The following ZNF398 variants were observed in gnomAD, a reference collection of about 807,000 sequenced individuals.
The protein encoded by ZNF398 is zinc finger protein 398, also known as zinc finger DNA binding protein ZER6.
ZNF398 carries 18 observed loss-of-function variants against 41.9 expected under a neutral mutation model. The observed-to-expected ratio is 0.43, with a 90% CI of 0.30 to 0.64. The LOEUF is 0.64. ZNF398 is among the 30% of genes least tolerant of loss of function. The pLI is 0.14. For synonymous variants in ZNF398, 260 were observed against 308.8 expected (o/e 0.84, Z 1.66); for missense variants, 669 against 822.8 (o/e 0.81, Z 2.29).
intron 2 of ZNF398, among the ~76,000 whole-genome samples, chr7:149,131,938 T>A (rs1014866935): frequency 6.6e-6 from 1 of 152,196 alleles, no homozygotes; most frequent in Non-Finnish European, 1.5e-5. Context: ...CTACGCAGCA[T>A]ACCAATTTAC....
chr7:149,135,773 A>G (rs34212787), intron 2 of ZNF398, among the ~76,000 whole-genome samples: 11,506 of 152,146 alleles, frequency 0.076, 440 homozygotes, highest in Middle Eastern at 0.092. Flanking sequence ...CCTGGCCAAC[A>G]TGGTGAATCC....
chr7:149,179,647 G>A lies in ZNF398; in HGVS notation c.1775G>A (p.Gly592Glu). 1 of 1,614,222 alleles carries A rather than the reference G, an allele frequency of 6.2e-7. No homozygotes were observed. The highest frequency in any genetic ancestry group is 8.5e-7 in the Non-Finnish European group (1 of 1,180,038). ...GACCACCTCCGTTCAGGCCACAATGGAGGCTGTGGGGGTGATAGTGACCCA... is the reference window on the plus strand; with the variant it reads ...GACCACCTCCGTTCAGGCCACAATGAAGGCTGTGGGGGTGATAGTGACCCA... Reference protein sequence around the residue: ...LKDHLRSGHNGGCGGDSDPSG... With the variant: ...LKDHLRSGHNEGCGGDSDPSG... The change falls in exon 6 of 6, where the codon GGA becomes GAA. Residue 592 changes from glycine (G) to glutamate (E), a missense_variant. Coordinates refer to ENST00000475153, the MANE Select transcript of ZNF398 (RefSeq NM_170686.3). The surrounding 1 kb of genome is among the most constrained non-coding windows in gnomAD (Gnocchi z 6.1).
chr7:149,173,153 G>A (rs1486187261), intron 4 of ZNF398, among the ~76,000 whole-genome samples: 1 of 145,300 alleles, frequency 6.9e-6, no homozygotes, highest in Non-Finnish European at 1.5e-5. Context: ...CGCCCAGACT[G>A]GGGTGCAGTG....
At chr7:149,159,423 G>A (rs751039955) in intron 2 of ZNF398, among the ~76,000 whole-genome samples, 3 of 151,792 alleles carry the variant, frequency 2.0e-5, no homozygotes, top group Non-Finnish European at 4.4e-5. Context: ...TGAGGCAGGT[G>A]GATCATGAGG....
At position 149,179,073 on chromosome 7, in the gene ZNF398, C is replaced by T. The variant is rs1033423592; in HGVS notation, c.1201C>T (p.Pro401Ser). 1.9e-6 allele frequency: 3 copies of T among 1,613,934 alleles called. No homozygotes were observed. Among genetic ancestry groups the T allele is most frequent in the Non-Finnish European group, 2.5e-6 (3 of 1,180,032 alleles). The change falls in exon 6 of 6, where the codon CCA (proline) becomes TCA (serine). Residue 401 changes from proline to serine, a missense_variant. Physicochemically the swap from Pro to Ser is moderately conservative, Grantham distance 74. This residue lies in a region of ZNF398 where 290 missense variants were observed against 292.9 expected (regional missense o/e 0.99). Coordinates refer to ENST00000475153, the MANE Select transcript of ZNF398 (RefSeq NM_170686.3). This position sits in a 1 kb window ranked among gnomAD's most constrained non-coding sequence, Gnocchi z 6.1. Reference protein sequence around the residue: ...DHASETPPTCPHCARTFTHPS... With the variant: ...DHASETPPTCSHCARTFTHPS... ...TGCCAGCGAGACACCCCCCACCTGC[C>T]CACACTGTGCCAGGACTTTTACTCA...
At position 149,178,882 on chromosome 7, in the gene ZNF398, C is replaced by T. The variant is rs769436240; in HGVS notation, c.1010C>T (p.Pro337Leu). The change falls in exon 6 of 6, where the codon CCA (proline) becomes CTA (leucine). Residue 337 changes from proline to leucine, a missense_variant. This residue lies in a region of ZNF398 where 290 missense variants were observed against 292.9 expected (regional missense o/e 0.99). Coordinates refer to ENST00000475153, the MANE Select transcript of ZNF398 (RefSeq NM_170686.3). ...TTGGGTAGCTATCCCCTCCCACCTC[C>T]AGTTGGCGAGCAGGTGTTCTCATGC... is the stretch of plus-strand genomic sequence containing the variant. ...TQLGSYPLPP[P>L]VGEQVFSCHH... 1.2e-6 allele frequency: 2 copies of T among 1,614,110 alleles called. No homozygotes were observed. The highest frequency in any genetic ancestry group is 1.7e-6 in the Non-Finnish European group (2 of 1,179,966).
At chr7:149,150,619 A>G (rs188649251) in intron 1 of ZNF398, among the ~76,000 whole-genome samples, 1 of 152,202 alleles carries the variant, frequency 6.6e-6, no homozygotes, top group Admixed American at 6.5e-5. Context: ...ACAAAACCCA[A>G]CAGAATCTCA....
chr7:149,147,705 C>T lies in ZNF398; in HGVS notation c.-38C>T. 2.3e-6 allele frequency: 3 copies of T among 1,285,904 alleles called. No individual in the cohort carries two copies. The highest frequency in any genetic ancestry group is 2.5e-5 in the South Asian group (1 of 39,314). 79.7% of individuals were successfully genotyped at this position (1,285,904 alleles called of 1,614,324 possible). A position where few individuals can be genotyped will look rare whatever the true frequency, so the allele number is the denominator to read the frequency against. On this transcript the variant is annotated 5_prime_UTR_variant, in exon 1 of 6. Transcript: ENST00000475153. This position sits in a 1 kb window ranked among gnomAD's most constrained non-coding sequence, Gnocchi z 5.6. ...GGCGCGGTGGCAGCGGCGGCAGCGG[C>T]GGCGACTTCCGAGGCCCGGGCTAGA...
At chr7:149,168,680 A>T (rs926564223) in intron 4 of ZNF398, among the ~76,000 whole-genome samples, 3 of 151,584 alleles carry the variant, frequency 2.0e-5, no homozygotes, top group Non-Finnish European at 4.4e-5. Context: ...GTGATTCTCC[A>T]GCCTCAGCCT....
chr7:149,126,700 G>T (rs1826485290), intron 1 of ZNF398: 1 of 161,562 alleles, frequency 6.2e-6, no homozygotes, highest in South Asian at 1.6e-4. Context: ...CCCAAGTCAG[G>T]GATGAGCTCG....
At chr7:149,170,003 T>C (rs1795298744) in intron 4 of ZNF398, among the ~76,000 whole-genome samples, 1 of 152,180 alleles carries the variant, frequency 6.6e-6, no homozygotes, top group Non-Finnish European at 1.5e-5. Flanking sequence ...TATGCTTAAT[T>C]GTTCCAGTAA....
chr7:149,127,580 T>A (rs1826511026), intron 1 of ZNF398, among the ~76,000 whole-genome samples: 1 of 143,700 alleles, frequency 7.0e-6, no homozygotes, highest in Non-Finnish European at 1.5e-5. Context: ...AGCCGAGCGT[T>A]GTGGCGGGCG....
In ZNF398 at chr7:149,151,206, G is replaced by A. The variant is rs1458189379; in HGVS notation, c.25-2739G>A. On this transcript the variant is annotated intron_variant, in intron 1 of 5. Transcript: ENST00000475153. ...GCAGTTTACCTGGTGATTTCCTCTA[G>A]GCACGCTTACTAATCTGCTTACAGG... 3.3e-6 allele frequency: 4 copies of A among 1,198,352 alleles called. No homozygotes were observed. The Admixed American group carries it at 1.3e-4, about 38-fold the overall frequency. 74.2% of individuals were successfully genotyped at this position (1,198,352 alleles called of 1,614,324 possible). A position where few individuals can be genotyped will look rare whatever the true frequency, so the allele number is the denominator to read the frequency against.
upstream of ZNF398, chr7:149,147,382 A>AG: frequency 6.2e-6 from 1 of 160,556 alleles, no homozygotes. The surrounding 1 kb of genome is among the most constrained non-coding windows in gnomAD (Gnocchi z 5.6). Context: ...AGGGGCCGGC[A>AG]GGGGGCGCGC....
At chr7:149,135,681 C>T (rs909234247) in intron 2 of ZNF398, among the ~76,000 whole-genome samples, 1 of 151,804 alleles carries the variant, frequency 6.6e-6, no homozygotes, top group African/African-American at 2.4e-5. Flanking sequence ...AGTCCGGGTG[C>T]GGTAGCTCAC....
chr7:149,163,411 C>T (rs534836916), intron 2 of ZNF398, among the ~76,000 whole-genome samples: 5 of 145,594 alleles, frequency 3.4e-5, no homozygotes, highest in South Asian at 2.2e-4. Flanking sequence ...TTGCCCTTGT[C>T]GTGCAGGCTG....
At chr7:149,139,153 G>A (rs190670800) in intron 2 of ZNF398, among the ~76,000 whole-genome samples, 89 of 151,866 alleles carry the variant, frequency 5.9e-4, no homozygotes, top group Non-Finnish European at 1.1e-3. Flanking sequence ...CTCGTGATCC[G>A]CCCACCTCGG....
chr7:149,147,767 G>A lies in ZNF398; in HGVS notation c.24+1G>A. The A allele has an allele frequency of 7.2e-7, 1 of 1,393,386 alleles. No homozygotes were observed. Among genetic ancestry groups the A allele is most frequent in the South Asian group, 1.5e-5 (1 of 64,530 alleles). The allele number at this position is 1,393,386 out of a possible 1,614,324, so 86.3% of individuals were successfully genotyped here. ...CATGGCTGAGGCGGCCCCGGCCCCGGTAAGGGCGGCCGCGCGCGAGTGTTG... is the reference window on the plus strand; with the variant it reads ...CATGGCTGAGGCGGCCCCGGCCCCGATAAGGGCGGCCGCGCGCGAGTGTTG... On this transcript the variant is annotated splice_donor_variant, in intron 1 of 5. Coordinates refer to ENST00000475153, the MANE Select transcript of ZNF398 (RefSeq NM_170686.3). LOFTEE classifies it high-confidence loss of function. The surrounding 1 kb of genome is among the most constrained non-coding windows in gnomAD (Gnocchi z 5.6).
chr7:149,166,416 T>G, intron 3 of ZNF398, 132 bp downstream of exon 3: 1 of 1,057,676 alleles, frequency 9.5e-7, no homozygotes, highest in Non-Finnish European at 1.4e-6. Flanking sequence ...CAAGCCAAAA[T>G]ATGACCAATT....
Sources: allele counts gnomAD v4.1 joint callset (sites outside exome capture counted in the v4.1 genomes callset), GRCh38; gene constraint gnomAD v4.1.1; regional missense constraint gnomAD v4.1.1; non-coding constraint Gnocchi (gnomAD v3.1); transcripts MANE v1.5; gene names NCBI Gene and HGNC (gene_info 2026-07-23, HGNC 2026-07-21).